The following NEBL variants were observed in gnomAD, a reference collection of about 807,000 sequenced individuals.
NEBL encodes the protein LIM and SH3 protein 2.
A neutral mutation model predicts 140.2 loss-of-function variants in NEBL; 122 were observed. The observed-to-expected ratio is 0.87, with a 90% CI of 0.75 to 1.01. The LOEUF (loss-of-function observed/expected upper bound fraction) is 1.01. Among genes scored for constraint, NEBL ranks in the 50% least tolerant of loss-of-function variants. NEBL has a pLI of 0.00. For synonymous variants in NEBL, 436 were observed against 398.9 expected, an observed-to-expected ratio of 1.09 and a Z score of -1.11; for missense variants, 1,365 against 1,231.3, an observed-to-expected ratio of 1.11 and a Z score of -1.62.
chr10:20,819,376 A>T, intron 20 of NEBL, 48 bp downstream of exon 20: 4 of 1,613,086 alleles, frequency 2.5e-6, no homozygotes, highest in Non-Finnish European at 3.4e-6. Flanking sequence ...TTTTAAATAA[A>T]AATATGTTAT....
At chr10:21,186,512 G>A (rs969568293) in intron 3 of NEBL, among the ~76,000 whole-genome samples, 7 of 152,218 alleles carry the variant, frequency 4.6e-5, no homozygotes, top group Non-Finnish European at 2.9e-5. Context: ...TGTAGTATTT[G>A]CATATAACCT....
chr10:20,834,662 C>T (rs1274255786), intron 14 of NEBL, among the ~76,000 whole-genome samples: 2 of 152,188 alleles, frequency 1.3e-5, no homozygotes, highest in African/African-American at 2.4e-5. Context: ...ACTGAAGCCC[C>T]CACCTAACCA....
chr10:21,225,810 G>A (rs1025820042), intron 3 of NEBL, among the ~76,000 whole-genome samples: 1 of 152,146 alleles, frequency 6.6e-6, no homozygotes, highest in Non-Finnish European at 1.5e-5. Context: ...AGAGCAGGGT[G>A]GGAAATGCTA....
intron 4 of NEBL, among the ~76,000 whole-genome samples, chr10:20,938,082 A>T (rs1019038746): frequency 6.6e-6 from 1 of 152,190 alleles, no homozygotes; most frequent in African/African-American, 2.4e-5. Context: ...GACAGCTTTG[A>T]AGACAGTAGT....
chr10:20,951,880 G>A (rs1040946924), intron 4 of NEBL, among the ~76,000 whole-genome samples: 2 of 152,162 alleles, frequency 1.3e-5, no homozygotes, highest in African/African-American at 4.8e-5. Flanking sequence ...ATCATGCACT[G>A]GAAATTGAGA....
At chr10:21,147,996 C>G (rs1839974558) in intron 2 of NEBL, among the ~76,000 whole-genome samples, 1 of 152,170 alleles carries the variant, frequency 6.6e-6, no homozygotes, top group Non-Finnish European at 1.5e-5. Flanking sequence ...TCTTCGTTAT[C>G]TTATGGAGTT....
intron 22 of NEBL, among the ~76,000 whole-genome samples, chr10:20,814,528 G>A (rs1838511158): frequency 6.6e-6 from 1 of 151,808 alleles, no homozygotes. Flanking sequence ...CTTGAGCCCA[G>A]GAGTTCAAAG....
chr10:20,823,856 T>C (rs1260052028), intron 18 of NEBL, among the ~76,000 whole-genome samples: 1 of 152,022 alleles, frequency 6.6e-6, no homozygotes, highest in Admixed American at 6.6e-5. Context: ...GAAGGAAATG[T>C]ACTAAAAGCA....
intron 26 of NEBL, among the ~76,000 whole-genome samples, chr10:20,805,129 C>T (rs572064679): frequency 2.9e-4 from 44 of 152,212 alleles, no homozygotes; most frequent in Middle Eastern, 3.4e-3. Flanking sequence ...GAAAGACAAG[C>T]GTCAGGGATG....
intron 3 of NEBL, among the ~76,000 whole-genome samples, chr10:21,224,899 T>C (rs1321292934): frequency 6.6e-6 from 1 of 152,220 alleles, no homozygotes; most frequent in Non-Finnish European, 1.5e-5. Flanking sequence ...CAGTAGTTTT[T>C]TGGTGGAGTC....
At chr10:20,866,738 T>A (rs1041215013) in intron 7 of NEBL, among the ~76,000 whole-genome samples, 1 of 152,194 alleles carries the variant, frequency 6.6e-6, no homozygotes, top group African/African-American at 2.4e-5. Context: ...ACAAGACACA[T>A]TGTGATGGGT....
chr10:21,108,474 G>C (rs1421755080), intron 2 of NEBL, among the ~76,000 whole-genome samples: 1 of 152,180 alleles, frequency 6.6e-6, no homozygotes, highest in Non-Finnish European at 1.5e-5. Context: ...GTGCGCTTTT[G>C]AGGGAGTTTA....
At chr10:21,265,986 C>A (rs894257813) in intron 1 of NEBL, among the ~76,000 whole-genome samples, 1 of 152,162 alleles carries the variant, frequency 6.6e-6, no homozygotes, top group Non-Finnish European at 1.5e-5. Context: ...AGACTCTAAT[C>A]CGTCATTGGT....
At chr10:21,095,001 T>C (rs74707828) in intron 2 of NEBL, among the ~76,000 whole-genome samples, 3,249 of 152,274 alleles carry the variant, frequency 0.021, 119 homozygotes, top group African/African-American at 0.071. Context: ...ATATCCATAG[T>C]AGTGTATTCA....
chr10:21,067,523 G>A (rs1835621695), intron 2 of NEBL, among the ~76,000 whole-genome samples: 1 of 152,100 alleles, frequency 6.6e-6, no homozygotes, highest in South Asian at 2.1e-4. Flanking sequence ...AAACAGTTAT[G>A]TATGCCAAAA....
intron 3 of NEBL, among the ~76,000 whole-genome samples, chr10:21,205,790 A>G (rs1159977385): frequency 1.3e-5 from 2 of 152,176 alleles, no homozygotes; most frequent in African/African-American, 2.4e-5. Flanking sequence ...CATAATAATA[A>G]TAATACCTAT....
At chr10:20,789,442 C>G (rs1211600332) in intron 26 of NEBL, among the ~76,000 whole-genome samples, 1 of 152,214 alleles carries the variant, frequency 6.6e-6, no homozygotes, top group Non-Finnish European at 1.5e-5. Context: ...ATCTCACACT[C>G]TGTAATACAT....
At chr10:21,007,891 C>T (rs77568868) in intron 3 of NEBL, among the ~76,000 whole-genome samples, 1 of 152,086 alleles carries the variant, frequency 6.6e-6, no homozygotes, top group Non-Finnish European at 1.5e-5. Context: ...TTTTCACATT[C>T]GCTATTTCTT....
chr10:21,235,422 C>G (rs1302001323), intron 3 of NEBL, among the ~76,000 whole-genome samples: 1 of 152,226 alleles, frequency 6.6e-6, no homozygotes, highest in Non-Finnish European at 1.5e-5. Flanking sequence ...TCAAGCGATT[C>G]TCCTGCCTCA....
Sources: gnomAD v4.1 joint callset for allele counts (sites outside exome capture counted in the v4.1 genomes callset) on GRCh38, gnomAD v4.1.1 for gene constraint, MANE v1.5 for transcripts, NCBI Gene and HGNC (gene_info 2026-07-23, HGNC 2026-07-21) for gene names.